The following BTG4 variants were observed in gnomAD, a reference collection of about 807,000 sequenced individuals.
BTG4 encodes protein BTG4.
In BTG4, 10 loss-of-function variants were observed where a neutral mutation model predicts 19.3. The observed-to-expected ratio is 0.52, with a 90% confidence interval of 0.32 to 0.88. BTG4 has a LOEUF of 0.88. Ranked by LOEUF, BTG4 falls within the 40% of genes least tolerant of loss-of-function variation. The pLI is 0.04. For synonymous variants in BTG4, 91 were observed against 95.7 expected, an observed-to-expected ratio of 0.95 and a Z score of 0.29; for missense variants, 238 against 281.9, an observed-to-expected ratio of 0.84 and a Z score of 1.11.
chr11:111,421,570 A>G, the BTG4 span, among the ~76,000 whole-genome samples: 1 of 152,238 alleles, frequency 6.6e-6, no homozygotes, highest in Non-Finnish European at 1.5e-5. Context: ...CTTGCAGGAA[A>G]GAGAAAATGG....
chr11:111,413,962 C>T, the BTG4 span, among the ~76,000 whole-genome samples: 1 of 152,198 alleles, frequency 6.6e-6, no homozygotes, highest in Admixed American at 6.5e-5. Flanking sequence ...AAGACCCTCC[C>T]CTTCCCGCCC....
chr11:111,423,462 C>T, the BTG4 span, among the ~76,000 whole-genome samples: 2 of 152,194 alleles, frequency 1.3e-5, no homozygotes, highest in Admixed American at 1.3e-4. Context: ...CCAAGGTCCC[C>T]ACTGCACCGA....
the BTG4 span, among the ~76,000 whole-genome samples, chr11:111,431,228 G>A: frequency 6.6e-6 from 1 of 152,164 alleles, no homozygotes; most frequent in African/African-American, 2.4e-5. Flanking sequence ...TTTGTGGCTG[G>A]TCTAGAACCC....
At chr11:111,470,071 C>T (rs1863968999) in intron 5 of BTG4, 1 of 152,580 alleles carries the variant, frequency 6.6e-6, no homozygotes, top group South Asian at 2.1e-4. Context: ...TCAGATATTT[C>T]TGACCTCAAG....
the BTG4 span, among the ~76,000 whole-genome samples, chr11:111,400,238 T>A: frequency 1.3e-5 from 2 of 152,208 alleles, no homozygotes; most frequent in Non-Finnish European, 2.9e-5. Context: ...AGACCTAGTG[T>A]TCTATGATTC....
chr11:111,511,450 G>C (rs768627702), intron 1 of BTG4, among the ~76,000 whole-genome samples: 2 of 152,206 alleles, frequency 1.3e-5, no homozygotes, highest in African/African-American at 2.4e-5. Context: ...GAGACCATTT[G>C]CTGGTTTTAG....
intron 1 of BTG4, among the ~76,000 whole-genome samples, chr11:111,506,350 G>A (rs1007002580): frequency 4.6e-5 from 7 of 152,040 alleles, no homozygotes; most frequent in Non-Finnish European, 8.8e-5. Flanking sequence ...TGGAGCTGGA[G>A]GCCATTACCC....
the BTG4 span, among the ~76,000 whole-genome samples, chr11:111,396,531 T>A: frequency 3.2e-3 from 494 of 152,362 alleles, 2 homozygotes; most frequent in African/African-American, 0.011. Context: ...TTTTCTGTTA[T>A]GTCTGAGGGT....
the BTG4 span, among the ~76,000 whole-genome samples, chr11:111,440,090 C>G: frequency 6.6e-6 from 1 of 152,166 alleles, no homozygotes; most frequent in Non-Finnish European, 1.5e-5. Flanking sequence ...ACTCTGTGAT[C>G]TGGGATCTAA....
chr11:111,420,722 T>G, the BTG4 span, among the ~76,000 whole-genome samples: 1 of 152,274 alleles, frequency 6.6e-6, no homozygotes, highest in Non-Finnish European at 1.5e-5. Flanking sequence ...CGTTCATTCA[T>G]GCATTCATTC....
At chr11:111,416,632 T>TGG in the BTG4 span, 1 of 123,368 alleles carries the variant, frequency 8.1e-6, no homozygotes, top group East Asian at 2.0e-4. Context: ...CTGTCCTGGG[T>TGG]GGGCCAATGT....
the BTG4 span, among the ~76,000 whole-genome samples, chr11:111,412,000 G>C: frequency 3.4e-3 from 524 of 152,316 alleles, 5 homozygotes; most frequent in South Asian, 6.4e-3. Context: ...TCCTGAAGCA[G>C]ACAGAAATAT....
At chr11:111,425,454 A>T in the BTG4 span, among the ~76,000 whole-genome samples, 1 of 152,144 alleles carries the variant, frequency 6.6e-6, no homozygotes, top group Non-Finnish European at 1.5e-5. Context: ...GAGCCTGGGG[A>T]CTTGGGGGTT....
chr11:111,411,776 A>G, the BTG4 span, among the ~76,000 whole-genome samples: 4 of 152,248 alleles, frequency 2.6e-5, no homozygotes, highest in Admixed American at 6.5e-5. Context: ...CTCCAACAAA[A>G]AAAGTAAGCT....
At chr11:111,394,308 G>A in the BTG4 span, among the ~76,000 whole-genome samples, 1 of 152,162 alleles carries the variant, frequency 6.6e-6, no homozygotes, top group Non-Finnish European at 1.5e-5. Flanking sequence ...ATCTTGAATT[G>A]TAGCTCCCAT....
chr11:111,446,409 A>G, the BTG4 span, among the ~76,000 whole-genome samples: 3 of 152,184 alleles, frequency 2.0e-5, no homozygotes, highest in Non-Finnish European at 4.4e-5. Context: ...TACTGAAAGC[A>G]TGGTCCAATG....
chr11:111,385,606 C>T, the BTG4 span: 1 of 151,588 alleles, frequency 6.6e-6, no homozygotes, highest in East Asian at 1.9e-4. Flanking sequence ...AAGATTTATC[C>T]CAGGAATGCA....
chr11:111,451,952 G>A, the BTG4 span, among the ~76,000 whole-genome samples: 1 of 152,136 alleles, frequency 6.6e-6, no homozygotes, highest in Non-Finnish European at 1.5e-5. Context: ...GGGAACACAA[G>A]TATGTATTCA....
At chr11:111,464,462 T>A (rs899619872), downstream of BTG4, 1 of 152,318 alleles carries the variant, frequency 6.6e-6, no homozygotes, top group East Asian at 1.9e-4. Flanking sequence ...AGAGGCTGCC[T>A]GTCACATCCA....
Sources: allele counts gnomAD v4.1 joint callset (sites outside exome capture counted in the v4.1 genomes callset), GRCh38; gene constraint gnomAD v4.1.1; transcripts MANE v1.5; gene names NCBI Gene and HGNC (gene_info 2026-07-23, HGNC 2026-07-21).